Variants in FAT3 observed in about 807,000 individuals in gnomAD.
The protein encoded by FAT3 is protocadherin Fat 3.
In FAT3, 95 loss-of-function variants were observed where a neutral mutation model predicts 310.2. That is an observed-to-expected ratio of 0.31 (90% confidence interval 0.26 to 0.36). The LOEUF (loss-of-function observed/expected upper bound fraction) is 0.36, where lower values mean the gene tolerates loss of function less well. Ranked by LOEUF, FAT3 falls within the 10% of genes least tolerant of loss-of-function variation. The pLI, the probability that FAT3 is intolerant of heterozygous loss-of-function variation, is 1.00. For missense variants in FAT3, 5,408 were observed against 5,715.6 expected (o/e 0.95, Z 1.74); for synonymous variants, 2,314 against 2,192.9 (o/e 1.06, Z -1.54).
intron 22 of FAT3, among the ~76,000 whole-genome samples, chr11:92,868,026 CTG>C (rs778042461): frequency 1.2e-4 from 19 of 152,158 alleles, no homozygotes; most frequent in Admixed American, 6.5e-4. Context: ...GATGCAGTGT[CTG>C]TGTTAATGTA....
chr11:92,788,441 A>G (rs747267367), intron 7 of FAT3, among the ~76,000 whole-genome samples: 3 of 152,172 alleles, frequency 2.0e-5, no homozygotes, highest in Non-Finnish European at 2.9e-5. Flanking sequence ...TAACTTTCCT[A>G]TATGAAATGT....
intron 1 of FAT3, among the ~76,000 whole-genome samples, chr11:92,237,325 C>T (rs1590988861): frequency 6.6e-6 from 1 of 152,026 alleles, no homozygotes; most frequent in Non-Finnish European, 1.5e-5. Context: ...ATGGTATGAT[C>T]GATGTTACCA....
chr11:92,812,959 TAGTG>T (rs1422475719), intron 13 of FAT3, among the ~76,000 whole-genome samples: 1 of 152,218 alleles, frequency 6.6e-6, no homozygotes, highest in Non-Finnish European at 1.5e-5. Context: ...GTTCTCATGA[TAGTG>T]AGTGAGTTCT....
In FAT3 at chr11:92,887,018, C is replaced by T. The variant is rs182167698; in HGVS notation, c.12956C>T (p.Pro4319Leu). 3.0e-5 allele frequency: 48 copies of T among 1,606,860 alleles called. No homozygotes were observed. The highest frequency in any genetic ancestry group is 7.9e-5 in the South Asian group (7 of 88,852). Reference sequence around the variant, plus strand: ...CATGAAGACAAAGGGGTTGATGACCCGGGAGAAGTGACCTGCTTTGCAGGT... The same window carrying T: ...CATGAAGACAAAGGGGTTGATGACCTGGGAGAAGTGACCTGCTTTGCAGGT... ...AGTENKGVDD[P>L]GEVTCFAGSN... The change falls in exon 25 of 28, where the codon CCG (proline) becomes CTG (leucine). Residue 4319 changes from proline (P) to leucine (L), a missense_variant. Transcript: ENST00000525166.
chr11:92,229,795 C>CT (rs375129999), intron 1 of FAT3, among the ~76,000 whole-genome samples: 1,748 of 107,876 alleles, frequency 0.016, 21 homozygotes, highest in African/African-American at 0.045. Flanking sequence ...GATTTTTTTT[C>CT]TTTTTTTTTT....
chr11:92,376,729 T>C (rs1263130251), intron 2 of FAT3, among the ~76,000 whole-genome samples: 1 of 152,220 alleles, frequency 6.6e-6, no homozygotes, highest in Non-Finnish European at 1.5e-5. Context: ...GTTGTGGTTT[T>C]ATCTGCTTTG....
At chr11:92,657,807 C>G (rs183527739) in intron 3 of FAT3, among the ~76,000 whole-genome samples, 4 of 152,242 alleles carry the variant, frequency 2.6e-5, no homozygotes, top group Admixed American at 1.3e-4. Flanking sequence ...GCTCTAAAGC[C>G]TGGGACATGT....
At chr11:92,608,046 T>G (rs1169726751) in intron 3 of FAT3, among the ~76,000 whole-genome samples, 1 of 152,072 alleles carries the variant, frequency 6.6e-6, no homozygotes, top group Non-Finnish European at 1.5e-5. Context: ...CCATGACATC[T>G]AACACTGTGG....
At chr11:92,717,658 A>C (rs1591643571) in intron 4 of FAT3, among the ~76,000 whole-genome samples, 1 of 152,238 alleles carries the variant, frequency 6.6e-6, no homozygotes, top group East Asian at 1.9e-4. Context: ...TTTTCCTTTA[A>C]TTCCTGTGCT....
chr11:92,618,746 G>C, intron 3 of FAT3, among the ~76,000 whole-genome samples: 1 of 152,032 alleles, frequency 6.6e-6, no homozygotes, highest in East Asian at 1.9e-4. Flanking sequence ...ATTTCTTTGT[G>C]TATTCCTAAG....
intron 2 of FAT3, among the ~76,000 whole-genome samples, chr11:92,457,020 G>A (rs1951510307): frequency 6.6e-6 from 1 of 152,174 alleles, no homozygotes; most frequent in Non-Finnish European, 1.5e-5. Context: ...GCAGTCCCAA[G>A]TGGTGAATCC....
chr11:92,829,715 A>T (rs1591789064), intron 13 of FAT3, among the ~76,000 whole-genome samples: 1 of 152,340 alleles, frequency 6.6e-6, no homozygotes, highest in East Asian at 1.9e-4. Context: ...TAATCCCAGC[A>T]TCAATAAAAT....
chr11:92,409,591 A>G (rs147356827), intron 2 of FAT3, among the ~76,000 whole-genome samples: 1 of 152,148 alleles, frequency 6.6e-6, no homozygotes, highest in Non-Finnish European at 1.5e-5. Flanking sequence ...GGAGGAGGAA[A>G]AAAAGCTGTG....
Position 92,789,801 on chromosome 11 carries a change from G to C in FAT3, c.4336-142G>C, listed in dbSNP as rs757607781. Reference sequence around the variant, plus strand: ...CTCTAATTACAGAATGTTTTTATTAGTGAGTTTCCTCTGTGTTGCAAGAGC... The same window carrying C: ...CTCTAATTACAGAATGTTTTTATTACTGAGTTTCCTCTGTGTTGCAAGAGC... On this transcript the variant is annotated intron_variant, in intron 7 of 27. Transcript: ENST00000525166. 1.6e-5 allele frequency: 12 copies of C among 738,114 alleles called. No homozygotes were observed. The South Asian group carries it at 2.2e-4, about 14-fold the overall frequency. The allele number at this position is 738,114 out of a possible 1,614,324, so 45.7% of individuals were successfully genotyped here.
intron 4 of FAT3, among the ~76,000 whole-genome samples, chr11:92,712,006 A>T (rs1486153703): frequency 1.3e-5 from 2 of 152,214 alleles, no homozygotes; most frequent in African/African-American, 4.8e-5. Context: ...TAAATCCCAA[A>T]CTAAAGATCT....
chr11:92,584,131 A>G (rs1169984307), intron 3 of FAT3, among the ~76,000 whole-genome samples: 1 of 151,966 alleles, frequency 6.6e-6, no homozygotes, highest in Non-Finnish European at 1.5e-5. Context: ...GGGAAGTAAC[A>G]TGTCTTGGAT....
intron 2 of FAT3, among the ~76,000 whole-genome samples, chr11:92,496,921 TA>T (rs1030579096): frequency 2.8e-4 from 42 of 152,192 alleles, no homozygotes; most frequent in African/African-American, 1.0e-3. Flanking sequence ...GCAATGATCC[TA>T]AACATGACTC....
Position 92,798,186 on chromosome 11 carries a change from A to C in FAT3, c.5173A>C (p.Thr1725Pro). The change falls in exon 10 of 28, where the codon ACT (threonine) becomes CCT (proline). Residue 1725 changes from threonine (T) to proline (P), a missense_variant. This residue lies in a region of FAT3 where 4,588 missense variants were observed against 4,809.8 expected (regional missense o/e 0.95). Coordinates refer to ENST00000525166, the MANE Select transcript of FAT3 (RefSeq NM_001367949.2). ...AAATCCATATTCTGGAGTCATCACC[A>C]CTCAGAAGGCCCTGGATTATGAGCG... ...TINPYSGVIT[T>P]QKALDYERTS... 5 of 1,613,868 alleles carry C rather than the reference A, an allele frequency of 3.1e-6. No individual in the cohort carries two copies. Among genetic ancestry groups the C allele is most frequent in the Non-Finnish European group, 4.2e-6 (5 of 1,179,838 alleles).
At chr11:92,564,126 T>C (rs1955342631) in intron 3 of FAT3, among the ~76,000 whole-genome samples, 1 of 152,228 alleles carries the variant, frequency 6.6e-6, no homozygotes, top group Non-Finnish European at 1.5e-5. Flanking sequence ...ATCAGTGTGC[T>C]GTATTCAGTA....
Sources: gnomAD v4.1 joint callset for allele counts (sites outside exome capture counted in the v4.1 genomes callset) on GRCh38, gnomAD v4.1.1 for gene constraint, gnomAD v4.1.1 regional missense constraint, MANE v1.5 for transcripts, NCBI Gene and HGNC (gene_info 2026-07-23, HGNC 2026-07-21) for gene names.